The following WDR74 variants were observed in gnomAD, a reference collection of about 807,000 sequenced individuals.
WDR74 encodes the protein WD repeat-containing protein 74.
Under a neutral mutation model 45.6 loss-of-function variants are expected in WDR74, and 31 were observed. That is an observed-to-expected ratio of 0.68 (90% confidence interval 0.51 to 0.92). The LOEUF (loss-of-function observed/expected upper bound fraction) is 0.92, where lower values mean the gene tolerates loss of function less well. Among genes scored for constraint, WDR74 ranks in the 40% least tolerant of loss-of-function variants. The pLI is 0.00. For synonymous variants in WDR74, 191 were observed against 192.4 expected, an observed-to-expected ratio of 0.99 and a Z score of 0.06; for missense variants, 455 against 497.2, an observed-to-expected ratio of 0.92 and a Z score of 0.81.
intron 10 of WDR74, among the ~76,000 whole-genome samples, chr11:62,833,344 G>C (rs1464388158): frequency 6.7e-6 from 1 of 149,760 alleles, no homozygotes; most frequent in East Asian, 2.0e-4. Flanking sequence ...CAGGGGCACA[G>C]GGACAAACCC....
At chr11:62,841,501 T>G (rs112307240), upstream of WDR74, 1 of 152,076 alleles carries the variant, frequency 6.6e-6, no homozygotes. Flanking sequence ...CACGCGTCAT[T>G]CAACACACTA....
In WDR74 at chr11:62,834,381, C is replaced by T; in HGVS notation, c.719+46G>A. ...GGGATCAGCAGTAACCTCCTGGAGC[C>T]CTTCTCAAGCCCCACCCTCCCACCC... On this transcript the variant is annotated intron_variant, in intron 7 of 10. Coordinates refer to ENST00000278856, the MANE Select transcript of WDR74 (RefSeq NM_001369450.1). The T allele has an allele frequency of 2.5e-6, 4 of 1,612,086 alleles. No homozygotes were observed. The South Asian group carries it at 4.4e-5, about 18-fold the overall frequency.
At chr11:62,841,426 A>G (rs1220807350), upstream of WDR74, 1 of 152,216 alleles carries the variant, frequency 6.6e-6, no homozygotes, top group Admixed American at 6.5e-5. Context: ...GCTGAAGACC[A>G]CATGGAGATA....
rs747434607 is a variant in WDR74 at position 62,839,087 on chromosome 11, TGAGTTTA to T, written c.293+20_293+26del. ...AGCATCAACGCTCTCCCTTCGGCCC[TGAGTTTA>T]GCGAGGGGATTGGTCTTACCCGTCG... On this transcript the variant is annotated intron_variant, in intron 3 of 10. Coordinates refer to ENST00000278856, the MANE Select transcript of WDR74 (RefSeq NM_001369450.1). 2.5e-6 allele frequency: 4 copies of T among 1,611,982 alleles called. No homozygotes were observed. In the South Asian group the frequency reaches 4.4e-5, roughly 18 times the overall value.
chr11:62,841,605 T>G (rs368075471), upstream of WDR74: 2 of 152,288 alleles, frequency 1.3e-5, no homozygotes, highest in Admixed American at 6.5e-5. Flanking sequence ...ACAACGGTTG[T>G]TCTCTCCCCG....
chr11:62,835,339 G>T, intron 6 of WDR74, 92 bp downstream of exon 6: 1 of 1,180,604 alleles, frequency 8.5e-7, no homozygotes, highest in South Asian at 1.4e-5. Context: ...AACTCAGAAT[G>T]GTGAGAAGAG....
chr11:62,835,933 C>T (rs1462903398), intron 4 of WDR74, 28 bp downstream of exon 4: 2 of 1,586,270 alleles, frequency 1.3e-6, no homozygotes, highest in African/African-American at 2.7e-5. Context: ...GCCCACCTCC[C>T]CCAACCATCA....
intron 6 of WDR74, chr11:62,834,815 GT>G (rs1425850278): frequency 1.2e-5 from 5 of 432,358 alleles, no homozygotes; most frequent in Non-Finnish European, 2.1e-5. Context: ...AGAAAAGCAA[GT>G]TGGTCTAGTA....
intron 6 of WDR74, 41 bp downstream of exon 6, chr11:62,835,390 G>T: frequency 1.3e-6 from 2 of 1,585,978 alleles, no homozygotes; most frequent in East Asian, 2.2e-5. Context: ...CCAGGAGGCT[G>T]CTTTATCCCA....
rs111846457 is a variant in WDR74, at chr11:62,839,334, G to A, written c.159C>T (p.Gly53=). 2.5e-6 allele frequency: 4 copies of A among 1,610,690 alleles called. No homozygotes were observed. The African/African-American group carries it at 5.3e-5, about 21-fold the overall frequency. Residue 53 remains glycine, a synonymous_variant, in exon 2 of 11, where the codon GGC becomes GGT. Transcript: ENST00000278856. ...AGGGGCCACTCACCTGGGTCTCGCCGCCGGTGCCCCAACACAGGGCGCTCA... is the reference window on the plus strand; with the variant it reads ...AGGGGCCACTCACCTGGGTCTCGCCACCGGTGCCCCAACACAGGGCGCTCA... ...EAVSALCWGT[G]GETQMLVGCA... is the part of the protein sequence containing the mutation.
chr11:62,834,578 T>G (rs1279747647), intron 6 of WDR74, 51 bp from the exon 7 acceptor site: 4 of 1,493,240 alleles, frequency 2.7e-6, no homozygotes, highest in Non-Finnish European at 3.6e-6. Flanking sequence ...GCACCTACCC[T>G]CTGGCGTCTC....
chr11:62,841,660 A>T (rs532857330), upstream of WDR74: 1 of 152,366 alleles, frequency 6.6e-6, no homozygotes, highest in East Asian at 1.9e-4. Flanking sequence ...TACCAGGTCG[A>T]TGCGTGGAGT....
At chr11:62,841,488 A>C (rs145575371), upstream of WDR74, 2 of 152,194 alleles carry the variant, frequency 1.3e-5, no homozygotes, top group Non-Finnish European at 2.9e-5. Flanking sequence ...CAAGACACTC[A>C]AACACGCGTC....
chr11:62,839,082 G>C (rs745871770), intron 3 of WDR74, 32 bp downstream of exon 3: 21 of 1,611,164 alleles, frequency 1.3e-5, no homozygotes, highest in Non-Finnish European at 5.1e-6. Context: ...CTCTCCCTTC[G>C]GCCCTGAGTT....
chr11:62,839,417 G>T lies in WDR74; in HGVS notation c.76C>A (p.Gln26Lys), dbSNP rs1424497604. 6.2e-7 allele frequency: 1 copy of T among 1,613,406 alleles called. No individual in the cohort carries two copies. The highest frequency in any genetic ancestry group is 8.5e-7 in the Non-Finnish European group (1 of 1,179,864). ...GTGAAGTTCGCCGCCTGTTTTCGCT[G>T]AAGATTTACCCCTGAGAGACGAAGG... is the stretch of plus-strand genomic sequence containing the variant. Reference protein sequence around the residue: ...ETGILKGVNLQRKQAANFTAG... With the variant: ...ETGILKGVNLKRKQAANFTAG... The change falls in exon 2 of 11, where the codon CAG (glutamine) becomes AAG (lysine). Residue 26 changes from glutamine to lysine, a missense_variant. Gln to Lys is a moderately conservative substitution (Grantham distance 53). Transcript: ENST00000278856.
intron 7 of WDR74, 38 bp downstream of exon 7, chr11:62,834,389 A>AGGGC: frequency 6.3e-7 from 1 of 1,592,114 alleles, no homozygotes; most frequent in Non-Finnish European, 8.6e-7. Context: ...GCCCTTCTCA[A>AGGGC]GCCCCACCCT....
chr11:62,834,504 G>C lies in WDR74; in HGVS notation c.642C>G (p.Ser214=). 1.2e-6 allele frequency: 2 copies of C among 1,610,338 alleles called. No homozygotes were observed. Among genetic ancestry groups the C allele is most frequent in the Non-Finnish European group, 1.7e-6 (2 of 1,179,488 alleles). ...TCTCTAGGACTGGCCGGCGCTGGGG[G>C]GATGCTGGATCATAAACACGGACCT... ...YHQVRVYDPA[S]PQRRPVLETT... The change falls in exon 7 of 11, where the codon TCC becomes TCG. Residue 214 remains serine (S), a synonymous_variant. Transcript: ENST00000278856.
At position 62,834,583 on chromosome 11, in the gene WDR74, C is replaced by A. The variant is rs1786024056; in HGVS notation, c.619-56G>T. 5 of 1,476,278 alleles carry A rather than the reference C, an allele frequency of 3.4e-6. No individual in the cohort carries two copies. In the South Asian group the frequency reaches 4.9e-5, roughly 14 times the overall value. The allele number at this position is 1,476,278 out of a possible 1,614,324, so 91.4% of individuals were successfully genotyped here. A position where few individuals can be genotyped will look rare whatever the true frequency, so the allele number is the denominator to read the frequency against. ...TCCTCACCCTGCACCTACCCTCTGGCGTCTCTGCATCCTCACCCCCTCCCT... is the reference window on the plus strand; with the variant it reads ...TCCTCACCCTGCACCTACCCTCTGGAGTCTCTGCATCCTCACCCCCTCCCT... On this transcript the variant is annotated intron_variant, in intron 6 of 10. Transcript: ENST00000278856.
upstream of WDR74, among the ~76,000 whole-genome samples, chr11:62,841,263 G>C (rs1165004893): frequency 1.3e-5 from 2 of 152,188 alleles, no homozygotes; most frequent in African/African-American, 4.8e-5. Context: ...GTTGCAGTGA[G>C]CTGAGATCAT....
Sources: gnomAD v4.1 joint callset for allele counts (sites outside exome capture counted in the v4.1 genomes callset) on GRCh38, gnomAD v4.1.1 for gene constraint, MANE v1.5 for transcripts, NCBI Gene and HGNC (gene_info 2026-07-23, HGNC 2026-07-21) for gene names.